Variants in CABIN1 observed in about 807,000 individuals in gnomAD.
CABIN1 encodes the protein calcineurin binding protein 1, also known as calcineurin-binding protein cabin-1.
In CABIN1, 133 loss-of-function variants were observed where a neutral mutation model predicts 227.7. The observed-to-expected ratio is 0.58, with a 90% CI of 0.51 to 0.67. The LOEUF (loss-of-function observed/expected upper bound fraction) is 0.67, where lower values mean the gene tolerates loss of function less well. Ranked by LOEUF, CABIN1 falls within the 30% of genes least tolerant of loss-of-function variation. The probability of loss-of-function intolerance (pLI) is 0.00; values close to 1 mark genes in which losing one functional copy is unlikely to be tolerated. For missense variants in CABIN1, 2,408 were observed against 2,852.5 expected (o/e 0.84, Z 3.55); for synonymous variants, 1,086 against 1,155.1 (o/e 0.94, Z 1.21).
At position 24,119,709 on chromosome 22, in the gene CABIN1, G is replaced by T. The variant is rs748411422; in HGVS notation, c.4632+11G>T. ...AGCAAGACCCACCGGGTGAGTGGCT[G>T]CCGGGCCAAGGGGGCTTGGATCTTC... On this transcript the variant is annotated intron_variant, in intron 28 of 36. Transcript: ENST00000263119. 1 of 1,612,706 alleles carries T rather than the reference G, an allele frequency of 6.2e-7. No individual in the cohort carries two copies.
intron 28 of CABIN1, among the ~76,000 whole-genome samples, chr22:24,124,072 G>C (rs906111794): frequency 6.6e-6 from 1 of 152,244 alleles, no homozygotes; most frequent in African/African-American, 2.4e-5. Context: ...CAGGGCTTTT[G>C]GGGGAGGAGG....
intron 6 of CABIN1, among the ~76,000 whole-genome samples, chr22:24,046,896 AC>A (rs201530811): frequency 2.7e-5 from 4 of 148,018 alleles, no homozygotes; most frequent in Admixed American, 6.8e-5. Context: ...AAGGTAGAAA[AC>A]CCCCCCCACC....
At chr22:24,071,843 C>T (rs2040110046) in intron 17 of CABIN1, among the ~76,000 whole-genome samples, 1 of 152,182 alleles carries the variant, frequency 6.6e-6, no homozygotes, top group South Asian at 2.1e-4. Context: ...GGGCTACCCC[C>T]TGGGGTCCCT....
rs145465883 is a variant in CABIN1, at chr22:24,119,821, C to T, written c.4632+123C>T. On this transcript the variant is annotated intron_variant, in intron 28 of 36. Transcript: ENST00000263119. ...GGTAGCAGCACATGGGAGGGATGGG[C>T]GAGGAGAGCTGCAGGAGGCAGGGCC... 2.7e-4 allele frequency: 268 copies of T among 1,002,760 alleles called. 3 individuals carry two copies. In the Admixed American group the frequency reaches 4.3e-3, roughly 16 times the overall value. The allele number at this position is 1,002,760 out of a possible 1,614,324, so 62.1% of individuals were successfully genotyped here.
intron 34 of CABIN1, 104 bp downstream of exon 34, chr22:24,172,099 C>G (rs1344151972): frequency 7.3e-7 from 1 of 1,369,782 alleles, no homozygotes; most frequent in East Asian, 2.5e-5. Context: ...GCAGTGCCCT[C>G]CCGCCCAGTC....
At chr22:24,071,656 C>T (rs1277248106) in intron 17 of CABIN1, among the ~76,000 whole-genome samples, 1 of 152,204 alleles carries the variant, frequency 6.6e-6, no homozygotes, top group Non-Finnish European at 1.5e-5. Flanking sequence ...ACAGTCTCCT[C>T]TGCCCGCTCC....
At chr22:24,069,285 A>G (rs749603335) in intron 16 of CABIN1, among the ~76,000 whole-genome samples, 7 of 152,198 alleles carry the variant, frequency 4.6e-5, no homozygotes, top group Non-Finnish European at 1.0e-4. Context: ...TTGCTGGCTT[A>G]TAGAAACCCT....
chr22:24,114,110 A>C (rs2042954871), intron 27 of CABIN1, among the ~76,000 whole-genome samples: 1 of 152,182 alleles, frequency 6.6e-6, no homozygotes, highest in South Asian at 2.1e-4. Flanking sequence ...TTATTTTAAA[A>C]GTCTTTGGAT....
chr22:24,091,554 G>T lies in CABIN1; in HGVS notation c.3526-29G>T, dbSNP rs200756661. On this transcript the variant is annotated intron_variant, in intron 23 of 36. Transcript: ENST00000263119. ...ATCCCTGGGCAGGTTCAGGCGTAAG[G>T]CCAGCCCAGTCTCATGATCTTCTTA... The T allele has an allele frequency of 1.9e-5, 31 of 1,614,028 alleles. No homozygotes were observed. The East Asian group carries it at 5.6e-4, about 29-fold the overall frequency.
chr22:24,084,900 A>T lies in CABIN1; in HGVS notation c.3118-106A>T, dbSNP rs532892078. The T allele has an allele frequency of 2.7e-5, 43 of 1,567,012 alleles. No homozygotes were observed. In the East Asian group the frequency reaches 9.0e-4, roughly 33 times the overall value. On this transcript the variant is annotated intron_variant, in intron 21 of 36. Transcript: ENST00000263119. ...TCTGCTCTGTACCAGACTGAGGGGC[A>T]GGAGAGGCTGGAGAGTCTGTCCTGT...
At chr22:24,043,306 A>ATTTTT (rs2037572654) in intron 6 of CABIN1, among the ~76,000 whole-genome samples, 1 of 72,176 alleles carries the variant, frequency 1.4e-5, no homozygotes, top group Non-Finnish European at 2.9e-5. Context: ...GAATGATTTT[A>ATTTTT]CTTTTTTTTT....
intron 29 of CABIN1, among the ~76,000 whole-genome samples, chr22:24,159,516 G>A (rs1418726858): frequency 6.6e-6 from 1 of 152,176 alleles, no homozygotes; most frequent in Non-Finnish European, 1.5e-5. Context: ...GTGGCTCCTG[G>A]CACCTCATGG....
At chr22:24,083,717 T>C (rs1007144323) in intron 20 of CABIN1, among the ~76,000 whole-genome samples, 1 of 152,072 alleles carries the variant, frequency 6.6e-6, no homozygotes, top group Non-Finnish European at 1.5e-5. Context: ...GCACTGTGAT[T>C]GCATCTGTGA....
intron 29 of CABIN1, among the ~76,000 whole-genome samples, chr22:24,143,466 G>A (rs544867595): frequency 1.3e-5 from 2 of 152,346 alleles, no homozygotes; most frequent in Admixed American, 6.5e-5. Context: ...CCCTTTTGGT[G>A]TGGCTCCAAC....
At chr22:24,039,246 C>CA (rs2037165794) in intron 4 of CABIN1, among the ~76,000 whole-genome samples, 1 of 152,200 alleles carries the variant, frequency 6.6e-6, no homozygotes, top group Non-Finnish European at 1.5e-5. Context: ...CTGGACTGCA[C>CA]AGTCCTTGAG....
intron 32 of CABIN1, 93 bp downstream of exon 32, chr22:24,167,406 C>G: frequency 7.8e-7 from 1 of 1,279,698 alleles, no homozygotes; most frequent in Non-Finnish European, 1.1e-6. Context: ...CCAGGCCTGC[C>G]CTTGGGGCGG....
intron 6 of CABIN1, among the ~76,000 whole-genome samples, chr22:24,045,629 C>T (rs1163708815): frequency 1.3e-5 from 2 of 151,868 alleles, no homozygotes; most frequent in African/African-American, 4.8e-5. Context: ...AAATTTGTTT[C>T]CACATATTTA....
chr22:24,116,315 G>C (rs779726030), intron 27 of CABIN1, among the ~76,000 whole-genome samples: 4 of 152,232 alleles, frequency 2.6e-5, no homozygotes, highest in Admixed American at 6.5e-5. Context: ...CTGAGGGCAA[G>C]AGGGTAAAAC....
At chr22:24,166,592 A>C in intron 31 of CABIN1, 47 bp from the exon 32 acceptor site, 1 of 1,610,922 alleles carries the variant, frequency 6.2e-7, no homozygotes, top group South Asian at 1.1e-5. Context: ...GACTCATTGC[A>C]GTGGAGACAC....
Sources: gnomAD v4.1 joint callset for allele counts (sites outside exome capture counted in the v4.1 genomes callset) on GRCh38, gnomAD v4.1.1 for gene constraint, MANE v1.5 for transcripts, NCBI Gene and HGNC (gene_info 2026-07-23, HGNC 2026-07-21) for gene names.